Variants in KLF8 observed in about 807,000 individuals in gnomAD.
KLF8 encodes Krueppel-like factor 8.
In KLF8, 10 loss-of-function variants were observed where a neutral mutation model predicts 18.2. The ratio of observed to expected loss-of-function variants is 0.55; its 90% CI spans 0.34 to 0.93. The LOEUF is 0.93. Among genes scored for constraint, KLF8 ranks in the 40% least tolerant of loss-of-function variants. The probability of loss-of-function intolerance (pLI) is 0.02; values close to 1 mark genes in which losing one functional copy is unlikely to be tolerated. For missense variants in KLF8, 264 were observed against 277.9 expected (o/e 0.95, Z 0.36); for synonymous variants, 109 against 97.3 (o/e 1.12, Z -0.71).
the KLF8 span, among the ~76,000 whole-genome samples, chrX:56,141,950 T>C: frequency 8.9e-6 from 1 of 111,974 alleles, no homozygotes; most frequent in African/African-American, 3.2e-5. Context: ...CGAAGACAAA[T>C]TGCTCACAAA....
chrX:55,993,886 A>G, the KLF8 span, among the ~76,000 whole-genome samples: 2 of 91,976 alleles, frequency 2.2e-5, no homozygotes, highest in African/African-American at 8.0e-5. Context: ...TTTCATCTAC[A>G]TTTTCTAGTT....
At chrX:56,252,016 C>CT (rs988117407) in intron 2 of KLF8, among the ~76,000 whole-genome samples, 9 of 110,592 alleles carry the variant, frequency 8.1e-5, no homozygotes, top group South Asian at 3.9e-4. Context: ...TTATTTCCAA[C>CT]TTTTTTTTGT....
At chrX:56,245,197 C>T (rs753571759) in intron 1 of KLF8, among the ~76,000 whole-genome samples, 26 of 112,010 alleles carry the variant, frequency 2.3e-4, no homozygotes, top group East Asian at 1.4e-3. Flanking sequence ...TTCTTAGGCC[C>T]GGGTCAGGGT....
chrX:56,026,747 T>A, the KLF8 span, among the ~76,000 whole-genome samples: 3 of 111,705 alleles, frequency 2.7e-5, no homozygotes, highest in African/African-American at 9.8e-5. Flanking sequence ...GGACAAGATC[T>A]CAAAGAAGCA....
rs2067311458 is a variant in KLF8, at chrX:56,290,429, T to TA, written c.*5938dup. Among the ~76,000 whole-genome samples the TA allele has an allele frequency of 8.9e-6, 1 of 111,799 alleles. No homozygotes were observed. The highest frequency in any genetic ancestry group is 9.5e-5 in the Admixed American group (1 of 10,510). ...GATAAATTTGAGTAAGAAGGATAAT[T>TA]AAAGAGTGGCCACTGGAAGCAATAT... On this transcript the variant is annotated 3_prime_UTR_variant, in exon 6 of 6. Coordinates refer to ENST00000468660, the MANE Select transcript of KLF8 (RefSeq NM_007250.5).
the KLF8 span, among the ~76,000 whole-genome samples, chrX:55,948,675 A>G: frequency 9.0e-6 from 1 of 111,086 alleles, no homozygotes; most frequent in African/African-American, 3.3e-5. Flanking sequence ...GACATCACCA[A>G]CAGGTTTTTG....
At chrX:56,034,007 A>G in the KLF8 span, among the ~76,000 whole-genome samples, 1 of 112,283 alleles carries the variant, frequency 8.9e-6, no homozygotes, top group African/African-American at 3.2e-5. Context: ...TTACAAAATC[A>G]TTTTTGTTTG....
chrX:56,181,378 C>A, the KLF8 span, among the ~76,000 whole-genome samples: 1 of 111,349 alleles, frequency 9.0e-6, no homozygotes, highest in East Asian at 2.8e-4. Flanking sequence ...AGATGGGTCT[C>A]CTGAATACAG....
the KLF8 span, among the ~76,000 whole-genome samples, chrX:56,134,461 C>A: frequency 9.0e-6 from 1 of 111,403 alleles, no homozygotes. Context: ...TGGCAAGCCA[C>A]ATCTAGGAGA....
the KLF8 span, among the ~76,000 whole-genome samples, chrX:56,024,067 G>A: frequency 1.8e-5 from 2 of 111,329 alleles, no homozygotes; most frequent in East Asian, 5.5e-4. Flanking sequence ...TAAGGAAGCT[G>A]TAACAAATTA....
chrX:56,071,433 G>A, the KLF8 span, among the ~76,000 whole-genome samples: 1 of 111,398 alleles, frequency 9.0e-6, no homozygotes, highest in Non-Finnish European at 1.9e-5. Context: ...AATTATATTA[G>A]TGTTCTAGGA....
chrX:56,080,761 T>A, the KLF8 span, among the ~76,000 whole-genome samples: 9 of 112,002 alleles, frequency 8.0e-5, no homozygotes, highest in Admixed American at 2.8e-4. Flanking sequence ...CTTGGTTCCA[T>A]TCTCCCCATC....
chrX:55,963,710 T>A, the KLF8 span, among the ~76,000 whole-genome samples: 1 of 111,598 alleles, frequency 9.0e-6, no homozygotes, highest in Non-Finnish European at 1.9e-5. Context: ...GTTAAACATA[T>A]CATAAAGGCA....
At chrX:55,912,209 T>C in the KLF8 span, among the ~76,000 whole-genome samples, 2 of 111,599 alleles carry the variant, frequency 1.8e-5, no homozygotes, top group African/African-American at 6.5e-5. Context: ...AAACAATCAG[T>C]ACTTTTTTCA....
chrX:55,995,650 C>T, the KLF8 span, among the ~76,000 whole-genome samples: 3 of 111,923 alleles, frequency 2.7e-5, no homozygotes, highest in Non-Finnish European at 5.6e-5. Context: ...CTTAGTTTGG[C>T]AGGATATGCA....
the KLF8 span, among the ~76,000 whole-genome samples, chrX:56,063,516 C>T: frequency 9.0e-6 from 1 of 111,692 alleles, no homozygotes; most frequent in Admixed American, 9.5e-5. Flanking sequence ...AAGATTGCTG[C>T]CTATTCCTTC....
chrX:56,283,561 C>T (rs927353205), intron 5 of KLF8, among the ~76,000 whole-genome samples: 1 of 110,476 alleles, frequency 9.1e-6, no homozygotes, highest in Non-Finnish European at 1.9e-5. Flanking sequence ...TTAGTAGAGA[C>T]GGGGTTTCAC....
the KLF8 span, among the ~76,000 whole-genome samples, chrX:56,081,054 A>T: frequency 4.5e-5 from 5 of 109,967 alleles, no homozygotes; most frequent in African/African-American, 1.3e-4. Context: ...ATTCTTCTAA[A>T]TTTTTTTCAA....
At chrX:55,942,012 A>G in the KLF8 span, among the ~76,000 whole-genome samples, 1 of 111,519 alleles carries the variant, frequency 9.0e-6, no homozygotes, top group African/African-American at 3.3e-5. Context: ...CCATCCCATT[A>G]CTGAGTATAT....
Sources: gnomAD v4.1 joint callset for allele counts (sites outside exome capture counted in the v4.1 genomes callset) on GRCh38, gnomAD v4.1.1 for gene constraint, MANE v1.5 for transcripts, NCBI Gene and HGNC (gene_info 2026-07-23, HGNC 2026-07-21) for gene names.